The following NEBL variants were observed in gnomAD, a reference collection of about 807,000 sequenced individuals.
NEBL encodes nebulette.
A neutral mutation model predicts 140.2 loss-of-function variants in NEBL; 122 were observed. That is an observed-to-expected ratio of 0.87 (90% CI 0.75 to 1.01). NEBL has a LOEUF of 1.01. NEBL is among the 50% of genes least tolerant of loss of function. The pLI is 0.00. For synonymous variants in NEBL, 436 were observed against 398.9 expected (o/e 1.09, Z -1.11); for missense variants, 1,365 against 1,231.3 (o/e 1.11, Z -1.62).
chr10:21,182,156 T>C (rs1841398702), intron 3 of NEBL, among the ~76,000 whole-genome samples: 2 of 142,302 alleles, frequency 1.4e-5, no homozygotes, highest in African/African-American at 5.2e-5. Flanking sequence ...GGCTGCTGGC[T>C]TTTTTTTTTT....
chr10:21,119,648 A>G (rs528880895), intron 2 of NEBL, among the ~76,000 whole-genome samples: 5 of 152,152 alleles, frequency 3.3e-5, no homozygotes, highest in African/African-American at 1.2e-4. Flanking sequence ...ATGACAATTA[A>G]GTCATAAATG....
At chr10:20,897,398 G>C (rs972319757), upstream of NEBL, 14 of 1,373,754 alleles carry the variant, frequency 1.0e-5, no homozygotes, top group African/African-American at 1.9e-4. Context: ...GATCCCAGAG[G>C]TCTACCAGGC....
In NEBL at chr10:20,812,950, G is replaced by GA; in HGVS notation, c.2347-11dup. On this transcript the variant is annotated splice_polypyrimidine_tract_variant and intron_variant, in intron 23 of 27. Transcript: ENST00000377122. The stretch of plus-strand genomic sequence containing the variant: ...CTTCATGGTATTTTACCTGAAAAAG[G>GA]AAAAATCATCATACTGAATTTTGCG... The GA allele has an allele frequency of 1.2e-6, 2 of 1,612,172 alleles. No individual in the cohort carries two copies. Among genetic ancestry groups the GA allele is most frequent in the Non-Finnish European group, 8.5e-7 (1 of 1,178,510 alleles).
At position 21,196,839 on chromosome 10, in the gene NEBL, A is replaced by C. The variant is rs76173682; in HGVS notation, n.349-24362T>G. Among the ~76,000 whole-genome samples the C allele has an allele frequency of 4.7e-3, 711 of 152,368 alleles. 11 individuals carry two copies. Among genetic ancestry groups the C allele is most frequent in the African/African-American group, 0.016 (657 of 41,590 alleles). ...GACCCAGTCTATGTCAATATCATTA[A>C]GCATTCTTTTAAAAGCTCAAGATTT... is the stretch of plus-strand genomic sequence containing the variant. On this transcript the variant is annotated intron_variant and non_coding_transcript_variant, in intron 3 of 8. Transcript: ENST00000675702.
At chr10:21,050,211 G>C (rs1214462190) in intron 2 of NEBL, among the ~76,000 whole-genome samples, 1 of 152,202 alleles carries the variant, frequency 6.6e-6, no homozygotes, top group African/African-American at 2.4e-5. Context: ...GATACGTGCT[G>C]ATAAATTCTT....
chr10:21,163,516 G>C (rs750876008), intron 2 of NEBL, among the ~76,000 whole-genome samples: 4 of 152,134 alleles, frequency 2.6e-5, no homozygotes, highest in Non-Finnish European at 5.9e-5. Flanking sequence ...TGGATACAGA[G>C]TCATATTTAA....
chr10:20,921,259 C>T (rs566819112), intron 4 of NEBL, among the ~76,000 whole-genome samples: 22 of 152,268 alleles, frequency 1.4e-4, no homozygotes, highest in African/African-American at 5.1e-4. Context: ...CACACACACA[C>T]GCACCTACCT....
intron 3 of NEBL, among the ~76,000 whole-genome samples, chr10:20,966,861 G>C (rs1397911041): frequency 6.6e-6 from 1 of 152,232 alleles, no homozygotes; most frequent in Non-Finnish European, 1.5e-5. Flanking sequence ...CTGTTAGGCA[G>C]AAAGCCATCG....
intron 1 of NEBL, among the ~76,000 whole-genome samples, chr10:21,284,844 TCA>T (rs1588600399): frequency 6.6e-6 from 1 of 152,130 alleles, no homozygotes; most frequent in African/African-American, 2.4e-5. Context: ...TTAACAAATC[TCA>T]CATTAGATCA....
intron 2 of NEBL, among the ~76,000 whole-genome samples, chr10:21,104,875 G>A (rs478559): frequency 5.9e-5 from 9 of 151,968 alleles, no homozygotes; most frequent in Non-Finnish European, 1.3e-4. Flanking sequence ...GTAGATGCCC[G>A]ATATCAGGAT....
chr10:21,075,513 C>A (rs922139007), intron 2 of NEBL, among the ~76,000 whole-genome samples: 6 of 152,198 alleles, frequency 3.9e-5, no homozygotes, highest in African/African-American at 1.4e-4. Flanking sequence ...CATCACCAAC[C>A]TGCCACAGTG....
At chr10:20,984,730 A>G (rs1589108640) in intron 3 of NEBL, among the ~76,000 whole-genome samples, 1 of 151,800 alleles carries the variant, frequency 6.6e-6, no homozygotes, top group South Asian at 2.1e-4. Flanking sequence ...GAGGTCCCCA[A>G]CCCCCAGGCC....
Position 20,850,417 on chromosome 10 carries a change from TC to T in NEBL, c.1093del (p.Glu365ArgfsTer27), listed in dbSNP as rs1237035671. The T allele has an allele frequency of 6.2e-7, 1 of 1,609,194 alleles. No individual in the cohort carries two copies. Among genetic ancestry groups the T allele is most frequent in the Non-Finnish European group, 8.5e-7 (1 of 1,175,504 alleles). On this transcript the variant is annotated frameshift_variant, in exon 11 of 28. Coordinates refer to ENST00000377122, the MANE Select transcript of NEBL (RefSeq NM_006393.3). LOFTEE classifies it high-confidence loss of function. The part of the protein sequence containing the change: ...VETPSYQASK[E>X]AQKMQSEKVY... ...TACTTCACTTTGCATCTTTTGAGCC[TC>T]CTTTGAAGCTTGATATGATGGTGTC...
chr10:21,169,061 AAAAAAAATATATATATAT>A (rs1219906040), intron 2 of NEBL, among the ~76,000 whole-genome samples: 11 of 41,728 alleles, frequency 2.6e-4, no homozygotes, highest in African/African-American at 5.9e-4. Context: ...AAAAAAAAAA[AAAAAAAATATATATATAT>A]ATATATATAT....
At chr10:20,963,063 C>G (rs930588572) in intron 3 of NEBL, among the ~76,000 whole-genome samples, 4 of 151,140 alleles carry the variant, frequency 2.6e-5, no homozygotes, top group Non-Finnish European at 1.5e-5. Context: ...TCTAGATACT[C>G]TCATCGCTTT....
chr10:20,858,217 T>A (rs1273795278), intron 9 of NEBL, 23 bp downstream of exon 9: 1 of 1,547,780 alleles, frequency 6.5e-7, no homozygotes, highest in East Asian at 2.2e-5. Flanking sequence ...GCAACTACGG[T>A]TGCCGCTAGA....
At chr10:21,223,898 A>C (rs757430298) in intron 3 of NEBL, among the ~76,000 whole-genome samples, 17 of 151,948 alleles carry the variant, frequency 1.1e-4, no homozygotes, top group Non-Finnish European at 2.4e-4. Context: ...ATCTTTTCCT[A>C]TTGTTTTGAG....
chr10:21,000,674 C>A (rs7908443), intron 3 of NEBL, among the ~76,000 whole-genome samples: 5,903 of 152,144 alleles, frequency 0.039, 383 homozygotes, highest in African/African-American at 0.13. Context: ...ATACTTACTG[C>A]AAACAGAAAT....
chr10:21,233,128 T>C (rs924927769), intron 3 of NEBL, among the ~76,000 whole-genome samples: 1 of 152,170 alleles, frequency 6.6e-6, no homozygotes, highest in African/African-American at 2.4e-5. Flanking sequence ...AATGGCACAA[T>C]GTTGGTTCAC....
Sources: allele counts gnomAD v4.1 joint callset (sites outside exome capture counted in the v4.1 genomes callset), GRCh38; gene constraint gnomAD v4.1.1; transcripts MANE v1.5; gene names NCBI Gene and HGNC (gene_info 2026-07-23, HGNC 2026-07-21).